The following TFPT variants were observed in gnomAD, a reference collection of about 807,000 sequenced individuals.
TFPT encodes the protein TCF3 fusion partner.
In TFPT, 27 loss-of-function variants were observed where a neutral mutation model predicts 28.8. The ratio of observed to expected loss-of-function variants is 0.94; its 90% CI spans 0.69 to 1.29. The LOEUF (loss-of-function observed/expected upper bound fraction) is 1.29, where lower values mean the gene tolerates loss of function less well. TFPT is among the 50% of genes most tolerant of loss of function. The pLI is 0.00. For synonymous variants in TFPT, 152 were observed against 142.8 expected (o/e 1.06, Z -0.46); for missense variants, 330 against 338.0 (o/e 0.98, Z 0.19).
chr19:54,112,159 G>T (rs587735717), intron 2 of TFPT, among the ~76,000 whole-genome samples: 1 of 151,404 alleles, frequency 6.6e-6, no homozygotes, highest in African/African-American at 2.4e-5. Context: ...CTCCTTCGGA[G>T]GCTGAGATTG....
chr19:54,108,044 T>A lies in TFPT; in HGVS notation c.624A>T (p.Pro208=). ...DGRRAGNALT[P]ELAPVQIKVE... is the part of the protein sequence containing the mutation. ...TCCTCACCTGCACCGGGGCCAGCTC[T>A]GGAGTCAGCGCATTTCCTGCTCGGC... The change falls in exon 5 of 6, where the codon CCA becomes CCT. Residue 208 remains proline (P), a synonymous_variant. Transcript: ENST00000391759. The A allele has an allele frequency of 5.2e-6, 8 of 1,530,600 alleles. No homozygotes were observed. Among genetic ancestry groups the A allele is most frequent in the Non-Finnish European group, 7.0e-6 (8 of 1,140,458 alleles). The allele number at this position is 1,530,600 out of a possible 1,614,324, so 94.8% of individuals were successfully genotyped here. A position where few individuals can be genotyped will look rare whatever the true frequency, so the allele number is the denominator to read the frequency against.
At chr19:54,111,538 G>A (rs1568570269) in intron 2 of TFPT, among the ~76,000 whole-genome samples, 1 of 151,832 alleles carries the variant, frequency 6.6e-6, no homozygotes, top group Non-Finnish European at 1.5e-5. Context: ...AAATTAGCTG[G>A]GTATGGTGGC....
chr19:54,108,053 C>T lies in TFPT; in HGVS notation c.615G>A (p.Ala205=), dbSNP rs145801514. The change falls in exon 5 of 6, where the codon GCG becomes GCA. Residue 205 remains alanine (A), a synonymous_variant. Coordinates refer to ENST00000391759, the MANE Select transcript of TFPT (RefSeq NM_013342.4). ...GCACCGGGGCCAGCTCTGGAGTCAG[C>T]GCATTTCCTGCTCGGCGTCCATCCC... The part of the protein sequence containing the change: ...VPRDGRRAGN[A]LTPELAPVQI... 20 of 1,536,686 alleles carry T rather than the reference C, an allele frequency of 1.3e-5. No individual in the cohort carries two copies. Among genetic ancestry groups the T allele is most frequent in the African/African-American group, 5.5e-5 (4 of 72,202 alleles).
chr19:54,111,371 C>T (rs779354304), intron 2 of TFPT, among the ~76,000 whole-genome samples: 11 of 151,342 alleles, frequency 7.3e-5, no homozygotes, highest in African/African-American at 9.7e-5. Flanking sequence ...GGTGAAACCC[C>T]GTCTCTACTA....
Position 54,108,809 on chromosome 19 carries a change from C to A in TFPT, c.354-414G>T, listed in dbSNP as rs377016258. 266 of 536,118 alleles carry A rather than the reference C, an allele frequency of 5.0e-4. No homozygotes were observed. In the Middle Eastern group the frequency reaches 5.5e-3, roughly 11 times the overall value. 33.2% of individuals were successfully genotyped at this position (536,118 alleles called of 1,614,324 possible). On this transcript the variant is annotated intron_variant, in intron 3 of 5. Transcript: ENST00000391759. Reference sequence around the variant, plus strand: ...ATGACCTCACCTCTTATAAACACCCCCTTCTCTTTTTTCCCCAGCCCCTGC... The same window carrying A: ...ATGACCTCACCTCTTATAAACACCCACTTCTCTTTTTTCCCCAGCCCCTGC...
rs1335073419 is a variant in TFPT, at chr19:54,115,462, C to T, written c.-193G>A. On this transcript the variant is annotated 5_prime_UTR_variant, in exon 1 of 6. Coordinates refer to ENST00000391759, the MANE Select transcript of TFPT (RefSeq NM_013342.4). ...GCCCACCCCCACGTCCACCCCGAAT[C>T]CCTGCTTAAAGGCCTTGCTTTCTTG... The T allele has an allele frequency of 2.5e-5, 17 of 687,964 alleles. No individual in the cohort carries two copies. The highest frequency in any genetic ancestry group is 9.8e-6 in the Non-Finnish European group (4 of 408,120). The allele number at this position is 687,964 out of a possible 1,614,324, so 42.6% of individuals were successfully genotyped here.
chr19:54,108,666 G>T (rs1169538896), intron 3 of TFPT: 1 of 1,349,628 alleles, frequency 7.4e-7, no homozygotes, highest in Non-Finnish European at 9.9e-7. Context: ...TGACACTGAA[G>T]TAGTGACACC....
chr19:54,115,173 T>G (rs1368491965), intron 1 of TFPT, 74 bp downstream of exon 1: 1 of 1,609,006 alleles, frequency 6.2e-7, no homozygotes, highest in Non-Finnish European at 8.5e-7. Flanking sequence ...GCGTAAAAGC[T>G]CATATGGTTG....
At chr19:54,107,325 T>A (rs1419799014) in intron 5 of TFPT, 156 bp from the exon 6 acceptor site, 1 of 963,422 alleles carries the variant, frequency 1.0e-6, no homozygotes, top group Non-Finnish European at 1.5e-6. Context: ...CATAGTTCAC[T>A]GCAGCCTCTG....
In TFPT at chr19:54,114,510, G is replaced by A; in HGVS notation, c.214C>T (p.Arg72Trp). 2 of 1,613,870 alleles carry A rather than the reference G, an allele frequency of 1.2e-6. No individual in the cohort carries two copies. Among genetic ancestry groups the A allele is most frequent in the Non-Finnish European group, 1.7e-6 (2 of 1,179,970 alleles). Reference sequence around the variant, plus strand: ...CTGCGATTTAATTCCCGCTGGCGCCGCCGCCGACCCCGGGCTGCCTCTTCC... The same window carrying A: ...CTGCGATTTAATTCCCGCTGGCGCCACCGCCGACCCCGGGCTGCCTCTTCC... ...EEEEAARGRR[R>W]RQRELNRRKY... The change falls in exon 2 of 6, where the codon CGG becomes TGG. Residue 72 changes from arginine (R) to tryptophan (W), a missense_variant. Arg to Trp is a moderately radical substitution (Grantham distance 101, BLOSUM62 -3). Transcript: ENST00000391759.
intron 5 of TFPT, 125 bp from the exon 6 acceptor site, chr19:54,107,294 G>C: frequency 7.5e-7 from 1 of 1,329,944 alleles, no homozygotes; most frequent in South Asian, 1.4e-5. Flanking sequence ...TGTTGCCCAG[G>C]CTGGAGTGCA....
At chr19:54,112,880 G>C (rs587675264) in intron 2 of TFPT, among the ~76,000 whole-genome samples, 17 of 152,012 alleles carry the variant, frequency 1.1e-4, no homozygotes, top group Admixed American at 2.0e-4. Flanking sequence ...ATCACCTGAG[G>C]TCAGGAGTTT....
rs1363809810 is a variant in TFPT at position 54,107,025 on chromosome 19, G to A, written c.*25C>T. 1 of 1,611,744 alleles carries A rather than the reference G, an allele frequency of 6.2e-7. No homozygotes were observed. The highest frequency in any genetic ancestry group is 1.7e-5 in the Admixed American group (1 of 59,506). On this transcript the variant is annotated 3_prime_UTR_variant, in exon 6 of 6. Transcript: ENST00000391759. The stretch of plus-strand genomic sequence containing the variant: ...CAAGTAGACGGTGGCCGGGGTGAGT[G>A]TGGGGTCAGTTTATTGGGCATGCGT...
In TFPT at chr19:54,114,515, C is replaced by G. The variant is rs1162947527; in HGVS notation, c.209G>C (p.Arg70Pro). The G allele has an allele frequency of 1.2e-6, 2 of 1,613,972 alleles. No homozygotes were observed. The highest frequency in any genetic ancestry group is 1.7e-6 in the Non-Finnish European group (2 of 1,179,998). Residue 70 changes from arginine to proline, a missense_variant, in exon 2 of 6, where the codon CGG becomes CCG. Arg to Pro is a moderately radical substitution (Grantham distance 103). Coordinates refer to ENST00000391759, the MANE Select transcript of TFPT (RefSeq NM_013342.4). ...RDEEEEAARG[R>P]RRRQRELNRR... ...ATTTAATTCCCGCTGGCGCCGCCGC[C>G]GACCCCGGGCTGCCTCTTCCTCTTC...
chr19:54,110,901 C>T (rs2073435285), intron 2 of TFPT, among the ~76,000 whole-genome samples: 2 of 152,332 alleles, frequency 1.3e-5, no homozygotes, highest in South Asian at 2.1e-4. Context: ...GTTTCTACAT[C>T]CCGTGCCTTA....
At chr19:54,114,894 C>T in intron 1 of TFPT, 194 bp from the exon 2 acceptor site, 2 of 780,584 alleles carry the variant, frequency 2.6e-6, no homozygotes, top group Non-Finnish European at 2.0e-6. Flanking sequence ...AGTCCGCAAC[C>T]CACCCTTCGC....
rs1342364364 is a variant in TFPT at position 54,115,293 on chromosome 19, G to T, written c.-24C>A. 3 of 1,613,942 alleles carry T rather than the reference G, an allele frequency of 1.9e-6. No individual in the cohort carries two copies. The highest frequency in any genetic ancestry group is 2.5e-6 in the Non-Finnish European group (3 of 1,180,040). On this transcript the variant is annotated 5_prime_UTR_variant, in exon 1 of 6. Transcript: ENST00000391759. ...ATCTCCGCGACCTCCGGAAGCCCCGGGCCTCAGAGCTTCCGACCTCTTCAA... is the reference window on the plus strand; with the variant it reads ...ATCTCCGCGACCTCCGGAAGCCCCGTGCCTCAGAGCTTCCGACCTCTTCAA...
intron 2 of TFPT, among the ~76,000 whole-genome samples, chr19:54,110,778 T>C (rs2073431821): frequency 6.6e-6 from 1 of 152,062 alleles, no homozygotes; most frequent in Admixed American, 6.6e-5. Flanking sequence ...CTGGCTTTAT[T>C]TCCTCCTAGT....
At chr19:54,115,040 C>G (rs2073582290) in intron 1 of TFPT, 2 of 783,256 alleles carry the variant, frequency 2.6e-6, no homozygotes, top group South Asian at 1.8e-5. Flanking sequence ...GGCTTCCAAC[C>G]TCCTAGTCTG....
Sources: gnomAD v4.1 joint callset for allele counts (sites outside exome capture counted in the v4.1 genomes callset) on GRCh38, gnomAD v4.1.1 for gene constraint, MANE v1.5 for transcripts, NCBI Gene and HGNC (gene_info 2026-07-23, HGNC 2026-07-21) for gene names.